PTPRR: variants seen among roughly 807,000 people sequenced by gnomAD.
PTPRR encodes protein tyrosine phosphatase receptor type R, also known as receptor-type tyrosine-protein phosphatase R.
Under a neutral mutation model 77.2 loss-of-function variants are expected in PTPRR, and 38 were observed. That is an observed-to-expected ratio of 0.49 (90% confidence interval 0.38 to 0.65). PTPRR has a LOEUF of 0.65. Ranked by LOEUF, PTPRR falls within the 30% of genes least tolerant of loss-of-function variation. The probability of loss-of-function intolerance (pLI) is 0.00; values close to 1 mark genes in which losing one functional copy is unlikely to be tolerated. For synonymous variants in PTPRR, 299 were observed against 283.1 expected, an observed-to-expected ratio of 1.06 and a Z score of -0.57; for missense variants, 744 against 799.2, an observed-to-expected ratio of 0.93 and a Z score of 0.83.
intron 2 of PTPRR, chr12:70,788,691 G>T (rs752767523): frequency 1.3e-6 from 1 of 741,894 alleles, no homozygotes; most frequent in East Asian, 2.8e-5. Flanking sequence ...TATCACATAA[G>T]TTCTATGCTG....
chr12:70,752,882 C>T (rs1057165954), intron 5 of PTPRR, among the ~76,000 whole-genome samples: 3 of 151,970 alleles, frequency 2.0e-5, no homozygotes, highest in Non-Finnish European at 4.4e-5. Flanking sequence ...ACAGAGATGC[C>T]CAGAAGACGC....
intron 1 of PTPRR, among the ~76,000 whole-genome samples, chr12:70,919,673 G>GTTTTTTTTTTTTTT (rs58439089): frequency 5.5e-5 from 6 of 110,084 alleles, no homozygotes; most frequent in Non-Finnish European, 7.6e-5. Context: ...AACTGTAATT[G>GTTTTTTTTTTTTTT]TTTTTTTTTT....
intron 2 of PTPRR, among the ~76,000 whole-genome samples, chr12:70,870,230 A>G (rs557930369): frequency 5.6e-4 from 85 of 152,324 alleles, no homozygotes; most frequent in African/African-American, 2.0e-3. Context: ...GCAGAGCAAC[A>G]TGATGGAAAG....
chr12:70,684,593 C>A, intron 9 of PTPRR, 111 bp downstream of exon 9: 6 of 770,748 alleles, frequency 7.8e-6, no homozygotes, highest in Non-Finnish European at 1.3e-5. Context: ...AAAATGAAAT[C>A]TTGCTGGTAA....
chr12:70,784,665 G>T (rs1365829779), intron 2 of PTPRR, among the ~76,000 whole-genome samples: 4 of 152,214 alleles, frequency 2.6e-5, no homozygotes, highest in African/African-American at 7.2e-5. Flanking sequence ...CTATAAAACA[G>T]CTAGAAGTGG....
intron 11 of PTPRR, among the ~76,000 whole-genome samples, chr12:70,661,979 A>G (rs1886814718): frequency 6.6e-6 from 1 of 152,200 alleles, no homozygotes; most frequent in Non-Finnish European, 1.5e-5. Flanking sequence ...TGAGTTAAAT[A>G]AGATAGTTTT....
At chr12:70,648,294 G>A (rs1460248610) in intron 13 of PTPRR, among the ~76,000 whole-genome samples, 6 of 151,928 alleles carry the variant, frequency 3.9e-5, no homozygotes, top group Non-Finnish European at 5.9e-5. Flanking sequence ...TGACTATTGC[G>A]GCTATCCCAT....
intron 2 of PTPRR, among the ~76,000 whole-genome samples, chr12:70,801,445 C>T (rs1223695374): frequency 6.6e-6 from 1 of 152,182 alleles, no homozygotes; most frequent in Non-Finnish European, 1.5e-5. Flanking sequence ...CTGAAAACAA[C>T]AAAAGACTCA....
At chr12:70,721,813 T>C (rs906154613) in intron 6 of PTPRR, among the ~76,000 whole-genome samples, 5 of 152,070 alleles carry the variant, frequency 3.3e-5, no homozygotes, top group Admixed American at 6.6e-5. Flanking sequence ...TGCTAATATA[T>C]CCAGGAAAGG....
intron 1 of PTPRR, among the ~76,000 whole-genome samples, chr12:70,893,562 GACT>G (rs2137118213): frequency 6.6e-6 from 1 of 151,966 alleles, no homozygotes; most frequent in East Asian, 1.9e-4. Context: ...TCTAGATAGA[GACT>G]ACATTTCTCT....
chr12:70,833,601 C>T (rs1209218965), intron 2 of PTPRR, among the ~76,000 whole-genome samples: 3 of 152,118 alleles, frequency 2.0e-5, no homozygotes, highest in African/African-American at 7.2e-5. Context: ...AGTCTCACTC[C>T]GATCACTGTT....
intron 7 of PTPRR, among the ~76,000 whole-genome samples, chr12:70,698,560 GA>G (rs1888313786): frequency 6.6e-6 from 1 of 152,108 alleles, no homozygotes; most frequent in African/African-American, 2.4e-5. Context: ...CTGTGTGTTA[GA>G]AAATATTGCT....
rs1890208024 is a variant in PTPRR, at chr12:70,746,102, T to C, written c.739-16A>G. 6.3e-7 allele frequency: 1 copy of C among 1,598,594 alleles called. No homozygotes were observed. On this transcript the variant is annotated splice_polypyrimidine_tract_variant and intron_variant, in intron 5 of 13. Transcript: ENST00000283228. ...TGTAAAGAATCTATAGAAGGAGATA[T>C]AAAAAACTCCTGTCACATTTTCTCA...
chr12:70,851,906 T>C (rs1396327670), intron 2 of PTPRR, among the ~76,000 whole-genome samples: 1 of 152,248 alleles, frequency 6.6e-6, no homozygotes. Context: ...ATTTCATTTT[T>C]TTCAATTCTC....
At chr12:70,896,242 C>CA in intron 1 of PTPRR, among the ~76,000 whole-genome samples, 1 of 151,390 alleles carries the variant, frequency 6.6e-6, no homozygotes, top group Non-Finnish European at 1.5e-5. Flanking sequence ...GCAAAGCTGA[C>CA]AAAAATGAAA....
At chr12:70,756,894 A>G (rs369748896) in intron 4 of PTPRR, among the ~76,000 whole-genome samples, 2 of 152,196 alleles carry the variant, frequency 1.3e-5, no homozygotes, top group African/African-American at 4.8e-5. Context: ...AGAGAGAGGA[A>G]GTACACAGAA....
Position 70,827,325 on chromosome 12 carries a change from T to C in PTPRR, c.358-62547A>G, listed in dbSNP as rs1892128163. Reference sequence around the variant, plus strand: ...ATCCGTCTTGATCATTTTGGACTGATATAACAAACTGCTCTAGACTGAGTG... The same window carrying C: ...ATCCGTCTTGATCATTTTGGACTGACATAACAAACTGCTCTAGACTGAGTG... On this transcript the variant is annotated intron_variant, in intron 2 of 13. Transcript: ENST00000283228. 5.9e-5 allele frequency among the ~76,000 whole-genome samples: 9 copies of C among 152,268 alleles called. No individual in the cohort carries two copies. The South Asian group carries it at 1.9e-3, about 32-fold the overall frequency.
chr12:70,723,114 G>A (rs76619272), intron 6 of PTPRR, among the ~76,000 whole-genome samples: 2 of 152,204 alleles, frequency 1.3e-5, no homozygotes, highest in Non-Finnish European at 2.9e-5. Context: ...GATGGGTGGA[G>A]CATGAACAGC....
chr12:70,656,942 A>G (rs1242872211), intron 12 of PTPRR, 125 bp from the exon 13 acceptor site: 3 of 634,842 alleles, frequency 4.7e-6, no homozygotes, highest in African/African-American at 1.8e-5. Context: ...ATTGAGTATT[A>G]TAAACCTGGC....
Sources: gnomAD v4.1 joint callset for allele counts (sites outside exome capture counted in the v4.1 genomes callset) on GRCh38, gnomAD v4.1.1 for gene constraint, MANE v1.5 for transcripts, NCBI Gene and HGNC (gene_info 2026-07-23, HGNC 2026-07-21) for gene names.